Variants in ITCH observed in about 807,000 individuals in gnomAD.
ITCH encodes the protein itchy E3 ubiquitin protein ligase.
In ITCH, 28 loss-of-function variants were observed where a neutral mutation model predicts 126.8. That is an observed-to-expected ratio of 0.22 (90% CI 0.16 to 0.30). ITCH has a LOEUF of 0.30. Among genes scored for constraint, ITCH ranks in the 10% least tolerant of loss-of-function variants. The pLI, the probability that ITCH is intolerant of heterozygous loss-of-function variation, is 1.00. For missense variants in ITCH, 631 were observed against 1,032.4 expected (o/e 0.61, Z 5.33); for synonymous variants, 342 against 340.0 (o/e 1.01, Z -0.06).
chr20:34,418,018 G>A (rs1399680610), intron 6 of ITCH, among the ~76,000 whole-genome samples: 4 of 149,188 alleles, frequency 2.7e-5, no homozygotes. Flanking sequence ...CAAGGGTGGA[G>A]TGCAATGGTG....
intron 3 of ITCH, among the ~76,000 whole-genome samples, chr20:34,401,972 G>C (rs941090129): frequency 2.6e-5 from 4 of 151,686 alleles, no homozygotes; most frequent in Non-Finnish European, 4.4e-5. Context: ...CTAGGGATAC[G>C]GGGGGGCGGC....
intron 2 of ITCH, among the ~76,000 whole-genome samples, chr20:34,384,498 C>T (rs2038197816): frequency 6.6e-6 from 1 of 151,734 alleles, no homozygotes; most frequent in Non-Finnish European, 1.5e-5. Context: ...GCAGGCTGGT[C>T]TTGAACTCCT....
At chr20:34,412,116 A>G (rs927595389) in intron 4 of ITCH, among the ~76,000 whole-genome samples, 3 of 152,366 alleles carry the variant, frequency 2.0e-5, no homozygotes, top group Non-Finnish European at 4.4e-5. Flanking sequence ...GAAGGAAGTG[A>G]TAATTCCCAT....
intron 12 of ITCH, among the ~76,000 whole-genome samples, chr20:34,451,710 A>G (rs1985267588): frequency 6.6e-6 from 1 of 152,158 alleles, no homozygotes; most frequent in African/African-American, 2.4e-5. Flanking sequence ...GTCTTATGTT[A>G]GAGAAGGAGA....
chr20:34,497,388 G>T (rs1029180311), intron 23 of ITCH, among the ~76,000 whole-genome samples: 2 of 152,136 alleles, frequency 1.3e-5, no homozygotes, highest in African/African-American at 4.8e-5. Flanking sequence ...TGGTCTATGT[G>T]TCTGCTATTA....
rs148528245 is a variant in ITCH, at chr20:34,369,909, GC to G, written c.-22+441del. Reference sequence around the variant, plus strand: ...ACTTGAACCCAAGAGTTTGGGACCAGCCTGGACAACATGGCGAGACCCTGAC... The same window carrying G: ...ACTTGAACCCAAGAGTTTGGGACCAGCTGGACAACATGGCGAGACCCTGAC... On this transcript the variant is annotated intron_variant, in intron 2 of 24. Coordinates refer to ENST00000374864, the MANE Select transcript of ITCH (RefSeq NM_031483.7). Among the ~76,000 whole-genome samples, 133 of 151,816 alleles carry G rather than the reference GC, an allele frequency of 8.8e-4. 1 individual carries two copies. The East Asian group carries it at 0.025, about 29-fold the overall frequency.
intron 6 of ITCH, among the ~76,000 whole-genome samples, chr20:34,419,215 A>G (rs1259635997): frequency 6.6e-6 from 1 of 152,170 alleles, no homozygotes; most frequent in Non-Finnish European, 1.5e-5. Context: ...GCCCGTTGTT[A>G]TATATTCTCA....
chr20:34,430,356 A>G (rs534252585), intron 7 of ITCH, among the ~76,000 whole-genome samples: 2 of 152,332 alleles, frequency 1.3e-5, no homozygotes, highest in East Asian at 3.9e-4. Context: ...TTAGCCATTA[A>G]TAAATGTTAT....
chr20:34,468,467 A>G (rs1476896664), intron 14 of ITCH, among the ~76,000 whole-genome samples: 4 of 152,112 alleles, frequency 2.6e-5, no homozygotes, highest in Non-Finnish European at 5.9e-5. Flanking sequence ...ACATTGTGTC[A>G]GTATTCCTAC....
intron 20 of ITCH, among the ~76,000 whole-genome samples, chr20:34,482,131 C>T (rs559282245): frequency 6.6e-6 from 1 of 152,226 alleles, no homozygotes; most frequent in Non-Finnish European, 1.5e-5. Context: ...CTCACTGATT[C>T]TCTCTTACAA....
chr20:34,480,542 G>T, intron 18 of ITCH, 57 bp from the exon 19 acceptor site: 1 of 1,580,670 alleles, frequency 6.3e-7, no homozygotes, highest in South Asian at 1.1e-5. Context: ...CTAATATATT[G>T]AAATAAAATG....
intron 4 of ITCH, among the ~76,000 whole-genome samples, chr20:34,411,142 T>C (rs4911421): frequency 0.55 from 83,987 of 151,934 alleles, 23,782 homozygotes; most frequent in African/African-American, 0.65. Flanking sequence ...ATTTCATCCC[T>C]ATTATGATTT....
chr20:34,398,833 C>T (rs1470441463), intron 3 of ITCH, among the ~76,000 whole-genome samples: 1 of 151,902 alleles, frequency 6.6e-6, no homozygotes, highest in Non-Finnish European at 1.5e-5. Context: ...GATAATAGTT[C>T]AGCAAACATT....
Position 34,477,873 on chromosome 20 carries a change from T to C in ITCH, c.1658+13T>C, listed in dbSNP as rs765984728. 5 of 1,613,282 alleles carry C rather than the reference T, an allele frequency of 3.1e-6. No individual in the cohort carries two copies. The highest frequency in any genetic ancestry group is 4.2e-6 in the Non-Finnish European group (5 of 1,179,298). On this transcript the variant is annotated intron_variant, in intron 17 of 24. Transcript: ENST00000374864. Reference sequence around the variant, plus strand: ...GAGGTGTAGCAAGGTAGTGATAATATGAATACTCAGAACTTAGTTCCTTTC... The same window carrying C: ...GAGGTGTAGCAAGGTAGTGATAATACGAATACTCAGAACTTAGTTCCTTTC...
chr20:34,371,881 G>T (rs2037644854), intron 2 of ITCH, among the ~76,000 whole-genome samples: 1 of 152,010 alleles, frequency 6.6e-6, no homozygotes, highest in African/African-American at 2.4e-5. Context: ...CTTATCTATT[G>T]AATGTTTTGA....
intron 23 of ITCH, among the ~76,000 whole-genome samples, chr20:34,501,274 A>G (rs1376447699): frequency 6.6e-6 from 1 of 152,194 alleles, no homozygotes; most frequent in African/African-American, 2.4e-5. Context: ...GAAATAACCT[A>G]TTGACAATCC....
At chr20:34,467,321 G>A (rs1987163042) in intron 14 of ITCH, among the ~76,000 whole-genome samples, 1 of 152,088 alleles carries the variant, frequency 6.6e-6, no homozygotes, top group African/African-American at 2.4e-5. Context: ...TTGAGCTCAA[G>A]AGTTCAAGAC....
rs5841171 is a variant in ITCH, at chr20:34,375,696, ATTTTTTTTTTTTTTTTT to A, written c.-22+6245_-22+6261del. 2.9e-4 allele frequency among the ~76,000 whole-genome samples: 19 copies of A among 65,558 alleles called. No individual in the cohort carries two copies. In the South Asian group the frequency reaches 3.9e-3, roughly 13 times the overall value. 43.0% of individuals were successfully genotyped at this position (65,558 alleles called of 152,430 possible). A position where few individuals can be genotyped will look rare whatever the true frequency, so the allele number is the denominator to read the frequency against. ...CACTCACAATGTATTGGTAGTTAAAATTTTTTTTTTTTTTTTTTTTTTTTTTTTTTTTTTTACCAGTT... is the reference window on the plus strand; with the variant it reads ...CACTCACAATGTATTGGTAGTTAAAATTTTTTTTTTTTTTTTTTACCAGTT... On this transcript the variant is annotated intron_variant, in intron 2 of 24. Coordinates refer to ENST00000374864, the MANE Select transcript of ITCH (RefSeq NM_031483.7).
chr20:34,460,181 T>G (rs939984479), intron 13 of ITCH, among the ~76,000 whole-genome samples: 10 of 13,610 alleles, frequency 7.3e-4, no homozygotes, highest in Admixed American at 1.1e-3. Context: ...AATACAGGTT[T>G]GTTGTTGTTG....
Sources: gnomAD v4.1 joint callset for allele counts (sites outside exome capture counted in the v4.1 genomes callset) on GRCh38, gnomAD v4.1.1 for gene constraint, MANE v1.5 for transcripts, NCBI Gene and HGNC (gene_info 2026-07-23, HGNC 2026-07-21) for gene names.